Variants in SIGLEC1 observed in about 807,000 individuals in gnomAD.
SIGLEC1 encodes sialic acid binding Ig like lectin 1, also known as sialoadhesin.
In SIGLEC1, 132 loss-of-function variants were observed where a neutral mutation model predicts 148.0. That is an observed-to-expected ratio of 0.89 (90% CI 0.77 to 1.03). The LOEUF (loss-of-function observed/expected upper bound fraction) is 1.03, where lower values mean the gene tolerates loss of function less well. Among genes scored for constraint, SIGLEC1 ranks in the 50% least tolerant of loss-of-function variants. The pLI, the probability that SIGLEC1 is intolerant of heterozygous loss-of-function variation, is 0.00. For missense variants in SIGLEC1, 2,253 were observed against 2,271.4 expected, an observed-to-expected ratio of 0.99 and a Z score of 0.16; for synonymous variants, 945 against 969.0, an observed-to-expected ratio of 0.98 and a Z score of 0.46.
In SIGLEC1 at chr20:3,697,936, G is replaced by T. The variant is rs762267814; in HGVS notation, c.1984C>A (p.Arg662Ser). The T allele has an allele frequency of 9.3e-6, 15 of 1,612,776 alleles. 1 individual carries two copies. In the South Asian group the frequency reaches 1.4e-4, roughly 15 times the overall value. The change falls in exon 9 of 22, where the codon CGC becomes AGC. Residue 662 changes from arginine (R) to serine (S), a missense_variant. By Grantham distance (110) the Arg-to-Ser change is moderately radical. Coordinates refer to ENST00000344754, the MANE Select transcript of SIGLEC1 (RefSeq NM_023068.4). ...GCSTCGGCSPRMKVTKAPNLL... is the reference protein window; with the variant it reads ...GCSTCGGCSPSMKVTKAPNLL... ...TTGGGGGCTTTGGTGACCTTCATGCGTGGGGAACAGCCCCCACAGGTGCTG... is the reference window on the plus strand; with the variant it reads ...TTGGGGGCTTTGGTGACCTTCATGCTTGGGGAACAGCCCCCACAGGTGCTG...
chr20:3,705,349 A>G (rs1276667435), intron 4 of SIGLEC1, among the ~76,000 whole-genome samples: 1 of 152,210 alleles, frequency 6.6e-6, no homozygotes, highest in Non-Finnish European at 1.5e-5. Flanking sequence ...ATCTATTGTT[A>G]TCTTCGTCAT....
chr20:3,695,620 C>T lies in SIGLEC1; in HGVS notation c.2684-697G>A, dbSNP rs1222743548. ...GCAGGGTCATGCAACTGGGGAAAAGCTCCTAAAACTCAAACCTTCAATTTC... is the reference window on the plus strand; with the variant it reads ...GCAGGGTCATGCAACTGGGGAAAAGTTCCTAAAACTCAAACCTTCAATTTC... On this transcript the variant is annotated intron_variant, in intron 11 of 21. Coordinates refer to ENST00000344754, the MANE Select transcript of SIGLEC1 (RefSeq NM_023068.4). 2.6e-5 allele frequency among the ~76,000 whole-genome samples: 4 copies of T among 152,184 alleles called. No individual in the cohort carries two copies. The East Asian group carries it at 7.7e-4, about 29-fold the overall frequency.
chr20:3,699,364 G>T lies in SIGLEC1; in HGVS notation c.1624C>A (p.Arg542Ser), dbSNP rs771683884. The T allele has an allele frequency of 2.5e-6, 4 of 1,608,714 alleles. No individual in the cohort carries two copies. The highest frequency in any genetic ancestry group is 3.4e-6 in the Non-Finnish European group (4 of 1,178,426). Reference protein sequence around the residue: ...RSGLSPTPDARFSWYLNGALL... With the variant: ...RSGLSPTPDASFSWYLNGALL... ...GCTCCATTCAGGTACCAGGAGAAGC[G>T]GGCATCAGGTGTGGGGCTTAGGCCG... The change falls in exon 8 of 22, where the codon CGC becomes AGC. Residue 542 changes from arginine (R) to serine (S), a missense_variant. By Grantham distance (110) the Arg-to-Ser change is moderately radical. Transcript: ENST00000344754.
At chr20:3,709,215 CA>C (rs1170711138) in intron 1 of SIGLEC1, among the ~76,000 whole-genome samples, 1 of 151,824 alleles carries the variant, frequency 6.6e-6, no homozygotes, top group Non-Finnish European at 1.5e-5. Context: ...CAACAACCAC[CA>C]AAAAAACCAT....
rs779256142 is a variant in SIGLEC1 at position 3,693,490 on chromosome 20, A to C, written c.3465T>G (p.Gly1155=). Residue 1155 remains glycine, a synonymous_variant, in exon 14 of 22, where the codon GGT becomes GGG. Transcript: ENST00000344754. Reference sequence around the variant, plus strand: ...TAGGTCTGGAGAGGCGGGGTGCCCGACCAGGGGGGCCCACACCGCAGCGGT... The same window carrying C: ...TAGGTCTGGAGAGGCGGGGTGCCCGCCCAGGGGGGCCCACACCGCAGCGGT... ...TSYRCGVGPP[G]RAPRLSRPIT... 1 of 1,604,620 alleles carries C rather than the reference A, an allele frequency of 6.2e-7. No individual in the cohort carries two copies.
chr20:3,695,755 T>G (rs895587849), intron 11 of SIGLEC1, among the ~76,000 whole-genome samples: 4 of 152,188 alleles, frequency 2.6e-5, no homozygotes, highest in Non-Finnish European at 5.9e-5. Context: ...AACACTCATG[T>G]TCCTTTGACC....
intron 13 of SIGLEC1, 92 bp from the exon 14 acceptor site, chr20:3,693,790 G>A: frequency 1.4e-6 from 2 of 1,388,464 alleles, no homozygotes; most frequent in Non-Finnish European, 1.9e-6. Flanking sequence ...TACTCCTACT[G>A]CTGGGGAGCC....
Position 3,692,186 on chromosome 20 carries a change from A to G in SIGLEC1, c.4047T>C (p.Ala1349=), listed in dbSNP as rs977809124. 6.4e-7 allele frequency: 1 copy of G among 1,561,860 alleles called. No homozygotes were observed. The highest frequency in any genetic ancestry group is 1.3e-5 in the African/African-American group (1 of 74,330). ...ALQVLYAPQD[A]VLSSFRDSRA... Reference sequence around the variant, plus strand: ...TGGAGTCCCGGAAGGAGGACAGGACAGCGTCCTGAGGGGCATCTGTGGGCA... The same window carrying G: ...TGGAGTCCCGGAAGGAGGACAGGACGGCGTCCTGAGGGGCATCTGTGGGCA... Residue 1349 remains alanine, a synonymous_variant, in exon 17 of 22, where the codon GCT becomes GCC. Transcript: ENST00000344754.
rs1364644031 is a variant in SIGLEC1, at chr20:3,694,502, A to C, written c.2975T>G (p.Leu992Arg). 6.3e-7 allele frequency: 1 copy of C among 1,576,886 alleles called. No homozygotes were observed. The highest frequency in any genetic ancestry group is 2.3e-5 in the East Asian group (1 of 43,616). The stretch of plus-strand genomic sequence containing the variant: ...CAGTCGTCCAGGGCCTGTGTCCATC[A>C]GGGTAGTGAGTGTGACGTGGCGTGG... ...YAPRHVTLTT[L>R]MDTGPGRLGL... Residue 992 changes from leucine (L) to arginine (R), a missense_variant, in exon 13 of 22, where the codon CTG becomes CGG. Transcript: ENST00000344754.
At chr20:3,706,796 C>A in intron 2 of SIGLEC1, 90 bp from the exon 3 acceptor site, 1 of 1,382,290 alleles carries the variant, frequency 7.2e-7, no homozygotes. Flanking sequence ...GAGAAGGTGC[C>A]CCAGCTGGGC....
At chr20:3,705,671 C>A in intron 4 of SIGLEC1, 73 bp downstream of exon 4, 1 of 1,492,026 alleles carries the variant, frequency 6.7e-7, no homozygotes, top group Non-Finnish European at 9.1e-7. Flanking sequence ...TTTCTGTGGG[C>A]TGGAGAGGGG....
intron 18 of SIGLEC1, among the ~76,000 whole-genome samples, chr20:3,690,829 C>CTTTTTTTTTTTTTT (rs1226435413): frequency 8.5e-6 from 1 of 117,034 alleles, no homozygotes; most frequent in African/African-American, 3.8e-5. Flanking sequence ...CTTTTCTTTT[C>CTTTTTTTTTTTTTT]TTTTTTTTTT....
intron 21 of SIGLEC1, 105 bp from the exon 22 acceptor site, chr20:3,688,724 C>G: frequency 2.3e-6 from 2 of 851,564 alleles, no homozygotes; most frequent in Non-Finnish European, 3.6e-6. Flanking sequence ...TGGGAGTGTG[C>G]ATGGCTGGAA....
chr20:3,706,396 A>G lies in SIGLEC1; in HGVS notation c.360T>C (p.Ser120=). ...SGSYNFRFEI[S]EVNRWSDVKG... Reference sequence around the variant, plus strand: ...TCACATCTGACCAGCGGTTGACCTCACTGATCTCGAAGCGGAAGTTGTAGG... The same window carrying G: ...TCACATCTGACCAGCGGTTGACCTCGCTGATCTCGAAGCGGAAGTTGTAGG... The change falls in exon 3 of 22, where the codon AGT becomes AGC. Residue 120 remains serine (S), a synonymous_variant. Transcript: ENST00000344754. The G allele has an allele frequency of 6.2e-7, 1 of 1,614,008 alleles. No individual in the cohort carries two copies. The highest frequency in any genetic ancestry group is 8.5e-7 in the Non-Finnish European group (1 of 1,179,964).
At chr20:3,708,655 G>A (rs2087911937) in intron 1 of SIGLEC1, among the ~76,000 whole-genome samples, 1 of 152,162 alleles carries the variant, frequency 6.6e-6, no homozygotes, top group African/African-American at 2.4e-5. Flanking sequence ...GCTGAGGTGG[G>A]AAGATCGCTT....
chr20:3,703,084 T>A (rs1317396666), intron 6 of SIGLEC1, 113 bp downstream of exon 6: 1 of 1,340,576 alleles, frequency 7.5e-7, no homozygotes, highest in Non-Finnish European at 1.0e-6. Flanking sequence ...CAAGGCCACC[T>A]CCAGGTAAGT....
intron 14 of SIGLEC1, 33 bp from the exon 15 acceptor site, chr20:3,693,164 A>T: frequency 1.3e-6 from 2 of 1,511,128 alleles, no homozygotes; most frequent in Non-Finnish European, 8.8e-7. Context: ...ACGGAGTCAC[A>T]GGCAGCAGCC....
At chr20:3,696,129 T>TATATATAC (rs11087599) in intron 11 of SIGLEC1, among the ~76,000 whole-genome samples, 1,834 of 142,486 alleles carry the variant, frequency 0.013, 37 homozygotes, top group African/African-American at 0.041. Flanking sequence ...ACTATATATA[T>TATATATAC]ACACACACAC....
At chr20:3,704,571 T>C (rs550522132) in intron 4 of SIGLEC1, among the ~76,000 whole-genome samples, 6 of 152,342 alleles carry the variant, frequency 3.9e-5, no homozygotes, top group African/African-American at 1.4e-4. Context: ...AAGAACTGCA[T>C]TTCCTTAAAT....
Sources: gnomAD v4.1 joint callset for allele counts (sites outside exome capture counted in the v4.1 genomes callset) on GRCh38, gnomAD v4.1.1 for gene constraint, MANE v1.5 for transcripts, NCBI Gene and HGNC (gene_info 2026-07-23, HGNC 2026-07-21) for gene names.